The following ADAM9 variants were observed in gnomAD, a reference collection of about 807,000 sequenced individuals.
ADAM9 encodes the protein disintegrin and metalloproteinase domain-containing protein 9.
A neutral mutation model predicts 108.1 loss-of-function variants in ADAM9; 54 were observed. That is an observed-to-expected ratio of 0.50 (90% CI 0.40 to 0.63). The LOEUF is 0.63. Ranked by LOEUF, ADAM9 falls within the 20% of genes least tolerant of loss-of-function variation. ADAM9 has a pLI of 0.00. For missense variants in ADAM9, 830 were observed against 997.7 expected, an observed-to-expected ratio of 0.83 and a Z score of 2.26; for synonymous variants, 316 against 336.0, an observed-to-expected ratio of 0.94 and a Z score of 0.65.
At chr8:39,021,572 C>T (rs1355865548) in intron 7 of ADAM9, 71 bp from the exon 8 acceptor site, 3 of 1,375,804 alleles carry the variant, frequency 2.2e-6, no homozygotes, top group East Asian at 2.3e-5. Context: ...GCATGAGGTA[C>T]TGCACCCGGC....
At chr8:39,071,224 T>G (rs1838677083) in intron 14 of ADAM9, 74 bp from the exon 15 acceptor site, 18 of 1,403,072 alleles carry the variant, frequency 1.3e-5, no homozygotes, top group Non-Finnish European at 1.7e-5. Context: ...TAGACTGTTG[T>G]AGGGAATACT....
At chr8:39,012,053 A>G (rs1212775809) in intron 3 of ADAM9, among the ~76,000 whole-genome samples, 1 of 152,230 alleles carries the variant, frequency 6.6e-6, no homozygotes, top group Non-Finnish European at 1.5e-5. Context: ...TCCACAGGCT[A>G]CTTCTATGCC....
intron 14 of ADAM9, among the ~76,000 whole-genome samples, chr8:39,065,498 C>A (rs540607705): frequency 6.6e-6 from 1 of 151,204 alleles, no homozygotes; most frequent in Non-Finnish European, 1.5e-5. Context: ...ACTAAAAATA[C>A]CAAATAAAAA....
At chr8:39,002,572 C>T (rs891905553) in intron 1 of ADAM9, among the ~76,000 whole-genome samples, 1 of 151,946 alleles carries the variant, frequency 6.6e-6, no homozygotes, top group Non-Finnish European at 1.5e-5. Context: ...CCGCCTGCCT[C>T]GGCCTCCCAA....
intron 1 of ADAM9, among the ~76,000 whole-genome samples, chr8:38,998,759 T>TGG (rs1184852813): frequency 6.6e-6 from 1 of 151,906 alleles, no homozygotes. Context: ...TGCAAGAGTA[T>TGG]GGTGGGGCGG....
At chr8:39,045,093 TATGTGTGTGTGCATACATAC>T (rs1837613558) in intron 12 of ADAM9, among the ~76,000 whole-genome samples, 2 of 23,644 alleles carry the variant, frequency 8.5e-5, no homozygotes, top group Admixed American at 5.0e-4. Context: ...CATACATACA[TATGTGTGTGTGCATACATAC>T]ATATGTGTGT....
At chr8:39,053,845 T>C (rs1459242968) in intron 12 of ADAM9, among the ~76,000 whole-genome samples, 1 of 152,140 alleles carries the variant, frequency 6.6e-6, no homozygotes, top group Non-Finnish European at 1.5e-5. Flanking sequence ...GACACTGACC[T>C]CTCTGTGATC....
chr8:39,065,839 T>TA (rs1381230117), intron 14 of ADAM9, among the ~76,000 whole-genome samples: 1 of 152,122 alleles, frequency 6.6e-6, no homozygotes, highest in Non-Finnish European at 1.5e-5. Context: ...GCCATGTTGA[T>TA]ATGCTGCAGC....
intron 14 of ADAM9, 27 bp from the exon 15 acceptor site, chr8:39,071,261 ACTTTTTTTTT>A: frequency 1.3e-6 from 2 of 1,581,420 alleles, no homozygotes; most frequent in Non-Finnish European, 1.7e-6. Flanking sequence ...AATTGCCATA[ACTTTTTTTTT>A]CTTTTTTTAA....
At chr8:39,032,459 C>T (rs751258532) in intron 11 of ADAM9, among the ~76,000 whole-genome samples, 3 of 152,242 alleles carry the variant, frequency 2.0e-5, no homozygotes, top group Non-Finnish European at 4.4e-5. Flanking sequence ...GCTCTGTGGG[C>T]GTAGGACCCG....
intron 14 of ADAM9, among the ~76,000 whole-genome samples, chr8:39,066,772 A>T (rs1838492335): frequency 1.3e-5 from 2 of 152,042 alleles, no homozygotes; most frequent in Admixed American, 1.3e-4. Flanking sequence ...CCTATTTGTC[A>T]ATTTTGGCTT....
chr8:39,102,027 G>T, intron 21 of ADAM9, 97 bp downstream of exon 21: 1 of 1,035,282 alleles, frequency 9.7e-7, no homozygotes, highest in Non-Finnish European at 1.5e-6. Flanking sequence ...TTAGTGAAAG[G>T]TATTTATTGT....
At chr8:39,061,446 C>G (rs1838296172) in intron 14 of ADAM9, among the ~76,000 whole-genome samples, 1 of 152,220 alleles carries the variant, frequency 6.6e-6, no homozygotes, top group South Asian at 2.1e-4. Context: ...GACTTCTTGA[C>G]CACAGTGACA....
intron 14 of ADAM9, among the ~76,000 whole-genome samples, chr8:39,064,411 T>A (rs1838392549): frequency 6.6e-6 from 1 of 152,186 alleles, no homozygotes; most frequent in Non-Finnish European, 1.5e-5. Context: ...CAATTGGATA[T>A]ATACATATTA....
At chr8:39,054,436 T>C in intron 12 of ADAM9, 45 bp from the exon 13 acceptor site, 1 of 1,512,370 alleles carries the variant, frequency 6.6e-7, no homozygotes, top group Non-Finnish European at 9.2e-7. Context: ...TGAGTATTCA[T>C]GTCAATTACT....
Position 39,104,385 on chromosome 8 carries a change from GA to G in ADAM9, c.*688del. On this transcript the variant is annotated 3_prime_UTR_variant, in exon 22 of 22. Transcript: ENST00000487273. ...TCAACTATAGGTAATAACTCTTAGA[GA>G]AATTAATTTAATATTAGAATTTCTA... 1 of 440,110 alleles carries G rather than the reference GA, an allele frequency of 2.3e-6. No homozygotes were observed. Among genetic ancestry groups the G allele is most frequent in the Non-Finnish European group, 4.6e-6 (1 of 219,328 alleles). 27.3% of individuals were successfully genotyped at this position (440,110 alleles called of 1,614,324 possible).
intron 20 of ADAM9, among the ~76,000 whole-genome samples, chr8:39,099,125 T>C (rs935301529): frequency 6.6e-6 from 1 of 152,120 alleles, no homozygotes; most frequent in Non-Finnish European, 1.5e-5. Flanking sequence ...GGTTTTTGTT[T>C]TTCTAGTTAA....
intron 18 of ADAM9, 85 bp downstream of exon 18, chr8:39,083,158 C>A: frequency 1.1e-6 from 1 of 944,024 alleles, no homozygotes; most frequent in Non-Finnish European, 1.7e-6. Flanking sequence ...CCTCACTTCC[C>A]ACATCAGTTA....
intron 12 of ADAM9, among the ~76,000 whole-genome samples, chr8:39,049,351 T>C (rs1006052377): frequency 1.3e-5 from 2 of 152,136 alleles, no homozygotes; most frequent in Non-Finnish European, 2.9e-5. Flanking sequence ...ACAAAAACTC[T>C]TCACTTTAAG....
Sources: gnomAD v4.1 joint callset for allele counts (sites outside exome capture counted in the v4.1 genomes callset) on GRCh38, gnomAD v4.1.1 for gene constraint, MANE v1.5 for transcripts, NCBI Gene and HGNC (gene_info 2026-07-23, HGNC 2026-07-21) for gene names.